Variants in SHB observed in about 807,000 individuals in gnomAD.
The protein encoded by SHB is SH2 domain containing adaptor protein B, also known as SH2 domain-containing adapter protein B.
A neutral mutation model predicts 52.3 loss-of-function variants in SHB; 20 were observed. The ratio of observed to expected loss-of-function variants is 0.38; its 90% CI spans 0.27 to 0.56. The LOEUF (loss-of-function observed/expected upper bound fraction) is 0.56, where lower values mean the gene tolerates loss of function less well. Among genes scored for constraint, SHB ranks in the 20% least tolerant of loss-of-function variants. The pLI, the probability that SHB is intolerant of heterozygous loss-of-function variation, is 0.71. For missense variants in SHB, 825 were observed against 723.3 expected, an observed-to-expected ratio of 1.14 and a Z score of -1.61; for synonymous variants, 397 against 316.5, an observed-to-expected ratio of 1.25 and a Z score of -2.70.
rs116632924 is a variant in SHB, at chr9:38,018,372, T to C, written c.718-2241A>G. Among the ~76,000 whole-genome samples the C allele has an allele frequency of 7.7e-3, 1,173 of 152,326 alleles. 19 individuals are homozygous for C. The highest frequency in any genetic ancestry group is 0.027 in the African/African-American group (1,127 of 41,558). On this transcript the variant is annotated intron_variant, in intron 1 of 5. Coordinates refer to ENST00000377707, the MANE Select transcript of SHB (RefSeq NM_003028.3). ...AATGAGATCTGAGCTCAGGCTGTCA[T>C]GGAGCTGCGGCTGCCTGCTCCACTT...
chr9:37,956,309 C>A (rs571960394), intron 3 of SHB, among the ~76,000 whole-genome samples: 23 of 152,310 alleles, frequency 1.5e-4, no homozygotes, highest in African/African-American at 5.5e-4. Context: ...CTTACCCCCA[C>A]AGAAACCTCC....
chr9:37,979,579 G>A (rs1200815570), intron 2 of SHB, among the ~76,000 whole-genome samples: 1 of 151,176 alleles, frequency 6.6e-6, no homozygotes, highest in African/African-American at 2.4e-5. Flanking sequence ...CAAGCAACAA[G>A]CTATACTCTG....
chr9:37,947,969 G>A (rs1294388566), intron 5 of SHB, among the ~76,000 whole-genome samples: 2 of 152,146 alleles, frequency 1.3e-5, no homozygotes, highest in African/African-American at 2.4e-5. Flanking sequence ...TTTGGGTCCC[G>A]TCCAGCAATA....
chr9:37,986,429 G>C (rs1351706687), intron 2 of SHB, among the ~76,000 whole-genome samples: 1 of 152,136 alleles, frequency 6.6e-6, no homozygotes, highest in Non-Finnish European at 1.5e-5. Context: ...GGAGGATCTG[G>C]GATGCCAGGA....
intron 5 of SHB, among the ~76,000 whole-genome samples, chr9:37,940,000 C>G (rs1832417270): frequency 6.6e-6 from 1 of 152,174 alleles, no homozygotes; most frequent in African/African-American, 2.4e-5. Context: ...ACAGAGGGCT[C>G]AGAGAATATG....
chr9:38,045,818 C>T (rs1156525110), intron 1 of SHB, among the ~76,000 whole-genome samples: 1 of 152,162 alleles, frequency 6.6e-6, no homozygotes, highest in East Asian at 1.9e-4. Flanking sequence ...GATCTTCTAG[C>T]GTGTCTAGGC....
At chr9:38,026,368 T>A (rs1459531302) in intron 1 of SHB, among the ~76,000 whole-genome samples, 1 of 152,250 alleles carries the variant, frequency 6.6e-6, no homozygotes, top group Admixed American at 6.5e-5. Flanking sequence ...TGCCTTTTAA[T>A]GATCAGCTGC....
rs1376821337 is a variant in SHB at position 37,920,012 on chromosome 9, C to T, written c.1347-8G>A. ...ATAAAACCCTGGTTGCTCCTGTGAA[C>T]AAAACACAGAGTTATCAGAACTACC... On this transcript the variant is annotated splice_region_variant and splice_polypyrimidine_tract_variant and intron_variant, in intron 5 of 5. Transcript: ENST00000377707. The T allele has an allele frequency of 6.2e-7, 1 of 1,612,206 alleles. No individual in the cohort carries two copies. Among genetic ancestry groups the T allele is most frequent in the East Asian group, 2.2e-5 (1 of 44,876 alleles).
intron 5 of SHB, among the ~76,000 whole-genome samples, chr9:37,934,915 T>C (rs1198696054): frequency 6.6e-6 from 1 of 152,240 alleles, no homozygotes; most frequent in East Asian, 1.9e-4. Context: ...TTGTTCCCCC[T>C]GCACGTCTGC....
chr9:37,928,334 T>A (rs1002348383), intron 5 of SHB, among the ~76,000 whole-genome samples: 2 of 152,224 alleles, frequency 1.3e-5, no homozygotes, highest in African/African-American at 2.4e-5. Flanking sequence ...TTCTCATGCC[T>A]GTGCCAACAG....
At chr9:37,977,369 T>C (rs749553878) in intron 2 of SHB, among the ~76,000 whole-genome samples, 1 of 151,828 alleles carries the variant, frequency 6.6e-6, no homozygotes, top group South Asian at 2.1e-4. Context: ...CTCTGGCAAA[T>C]ATGAATAATC....
intron 2 of SHB, among the ~76,000 whole-genome samples, chr9:38,000,035 T>C (rs1820992777): frequency 6.6e-6 from 1 of 152,240 alleles, no homozygotes; most frequent in African/African-American, 2.4e-5. Context: ...GCACCACACC[T>C]GAGTGGGTGG....
rs529880170 is a variant in SHB, at chr9:38,022,001, G to A, written c.718-5870C>T. Among the ~76,000 whole-genome samples, 3 of 152,320 alleles carry A rather than the reference G, an allele frequency of 2.0e-5. No homozygotes were observed. In the East Asian group the frequency reaches 5.8e-4, roughly 29 times the overall value. ...CCCACAAGGCCCCTGATTCTTGCCAGGCCCTTGACTTCTGCTCTATGCCAA... is the reference window on the plus strand; with the variant it reads ...CCCACAAGGCCCCTGATTCTTGCCAAGCCCTTGACTTCTGCTCTATGCCAA... On this transcript the variant is annotated intron_variant, in intron 1 of 5. Coordinates refer to ENST00000377707, the MANE Select transcript of SHB (RefSeq NM_003028.3).
At chr9:38,002,038 T>C (rs1303298515) in intron 2 of SHB, among the ~76,000 whole-genome samples, 2 of 152,030 alleles carry the variant, frequency 1.3e-5, no homozygotes, top group African/African-American at 4.8e-5. Flanking sequence ...TGATGTGATA[T>C]AGCAAAGAGA....
intron 2 of SHB, among the ~76,000 whole-genome samples, chr9:37,983,271 G>T (rs1314488501): frequency 1.3e-5 from 2 of 152,216 alleles, no homozygotes; most frequent in African/African-American, 2.4e-5. Flanking sequence ...TGATGTGGCG[G>T]CGAAAATGGG....
At chr9:38,036,080 C>G (rs1821482426) in intron 1 of SHB, among the ~76,000 whole-genome samples, 4 of 152,156 alleles carry the variant, frequency 2.6e-5, no homozygotes. Flanking sequence ...AATCTGAGCC[C>G]AAGATCTTCT....
chr9:38,007,606 T>C (rs1013075722), intron 2 of SHB, among the ~76,000 whole-genome samples: 1 of 152,174 alleles, frequency 6.6e-6, no homozygotes, highest in Non-Finnish European at 1.5e-5. Flanking sequence ...CAGGACTCTG[T>C]GGACCAGCCC....
chr9:37,992,395 C>T (rs566089974), intron 2 of SHB, among the ~76,000 whole-genome samples: 185 of 152,138 alleles, frequency 1.2e-3, no homozygotes, highest in Non-Finnish European at 2.1e-3. Context: ...GAGCGAAATT[C>T]CATCTCAAAA....
intron 5 of SHB, among the ~76,000 whole-genome samples, chr9:37,938,902 G>A (rs570516734): frequency 2.5e-4 from 38 of 152,334 alleles, no homozygotes; most frequent in African/African-American, 9.1e-4. Context: ...GCATTGGGAA[G>A]GGGGAAGCTG....
Sources: allele counts gnomAD v4.1 joint callset (sites outside exome capture counted in the v4.1 genomes callset), GRCh38; gene constraint gnomAD v4.1.1; transcripts MANE v1.5; gene names NCBI Gene and HGNC (gene_info 2026-07-23, HGNC 2026-07-21).